Variants in TAB3 observed in about 807,000 individuals in gnomAD.
TAB3 encodes the protein TGF-beta activated kinase 1 (MAP3K7) binding protein 3, also known as TGF-beta-activated kinase 1 and MAP3K7-binding protein 3.
In TAB3, 18 loss-of-function variants were observed where a neutral mutation model predicts 48.1. The ratio of observed to expected loss-of-function variants is 0.37; its 90% CI spans 0.26 to 0.55. The LOEUF is 0.55. TAB3 is among the 20% of genes least tolerant of loss of function. The pLI is 0.78. For synonymous variants in TAB3, 185 were observed against 190.2 expected, an observed-to-expected ratio of 0.97 and a Z score of 0.22; for missense variants, 414 against 549.8, an observed-to-expected ratio of 0.75 and a Z score of 2.47.
chrX:30,846,659 C>T lies in TAB3; in HGVS notation c.1711-15G>A, dbSNP rs1938632927. 1 of 1,076,795 alleles carries T rather than the reference C, an allele frequency of 9.3e-7. No homozygotes were observed. Among genetic ancestry groups the T allele is most frequent in the South Asian group, 2.1e-5 (1 of 47,840 alleles). The allele number at this position is 1,076,795 out of a possible 1,213,427, so 88.7% of individuals were successfully genotyped here. ...ATTTCCTCAGGCTAGTAAGAAAGGA[C>T]CCAAAATAGCAATTGTGGGAAAGTC... On this transcript the variant is annotated splice_polypyrimidine_tract_variant and intron_variant, in intron 7 of 10. Coordinates refer to ENST00000288422, the MANE Select transcript of TAB3 (RefSeq NM_152787.5).
intron 8 of TAB3, chrX:30,844,470 T>TG (rs1938559509): frequency 8.9e-6 from 1 of 112,579 alleles, no homozygotes; most frequent in African/African-American, 3.2e-5. Context: ...AAGCTGCATA[T>TG]GTATTTCTTC....
intron 7 of TAB3, among the ~76,000 whole-genome samples, chrX:30,847,547 TTAGAATC>T (rs1938670635): frequency 9.2e-6 from 1 of 108,691 alleles, no homozygotes; most frequent in South Asian, 3.8e-4. Flanking sequence ...AAGTCAAAGT[TTAGAATC>T]TAGAGGCTGA....
At chrX:30,882,778 A>G (rs1940030712) in intron 1 of TAB3, among the ~76,000 whole-genome samples, 1 of 112,071 alleles carries the variant, frequency 8.9e-6, no homozygotes, top group African/African-American at 3.2e-5. Flanking sequence ...AGATTCTGGT[A>G]AAATCGAGTA....
At chrX:30,832,334 T>C (rs1292652199) in intron 10 of TAB3, among the ~76,000 whole-genome samples, 1 of 111,717 alleles carries the variant, frequency 9.0e-6, no homozygotes, top group Non-Finnish European at 1.9e-5. Flanking sequence ...CCCTCTGGCT[T>C]TGTGCTCAAA....
rs776137921 is a variant in TAB3, at chrX:30,848,157, G to A, written c.1711-1513C>T. On this transcript the variant is annotated intron_variant, in intron 7 of 10. Coordinates refer to ENST00000288422, the MANE Select transcript of TAB3 (RefSeq NM_152787.5). Reference sequence around the variant, plus strand: ...TTCCATAGGTTTTAGGGAGTTGGGGGCAAGAGAGATGTTTCAGCCACAGTG... The same window carrying A: ...TTCCATAGGTTTTAGGGAGTTGGGGACAAGAGAGATGTTTCAGCCACAGTG... Among the ~76,000 whole-genome samples the A allele has an allele frequency of 5.4e-5, 6 of 111,710 alleles. No individual in the cohort carries two copies. In the South Asian group the frequency reaches 2.2e-3, roughly 42 times the overall value.
chrX:30,876,344 C>T (rs1939833707), intron 1 of TAB3, among the ~76,000 whole-genome samples: 1 of 112,070 alleles, frequency 8.9e-6, no homozygotes, highest in South Asian at 3.7e-4. Context: ...GACAATCAGG[C>T]ACACGAGGAA....
At chrX:30,850,627 G>A (rs1301386872) in intron 7 of TAB3, among the ~76,000 whole-genome samples, 2 of 108,175 alleles carry the variant, frequency 1.8e-5, no homozygotes, top group Non-Finnish European at 3.8e-5. Flanking sequence ...CAGGAGACTC[G>A]CTTGAACCTG....
Position 30,830,582 on chromosome X carries a change from C to T in TAB3, c.*845G>A, listed in dbSNP as rs774577458. The T allele has an allele frequency of 5.3e-4, 60 of 112,268 alleles. 1 individual carries two copies. The highest frequency in any genetic ancestry group is 1.8e-3 in the African/African-American group (56 of 30,901). 9.3% of individuals were successfully genotyped at this position (112,268 alleles called of 1,213,427 possible). A position where few individuals can be genotyped will look rare whatever the true frequency, so the allele number is the denominator to read the frequency against. On this transcript the variant is annotated 3_prime_UTR_variant, in exon 11 of 11. Transcript: ENST00000288422. ...GTGCTACTGGCAAAGCGCAGTTTTACGAGAATATCATTTATAAAATCATAC... is the reference window on the plus strand; with the variant it reads ...GTGCTACTGGCAAAGCGCAGTTTTATGAGAATATCATTTATAAAATCATAC...
intron 7 of TAB3, among the ~76,000 whole-genome samples, chrX:30,848,610 C>T (rs1372952975): frequency 9.0e-6 from 1 of 111,392 alleles, no homozygotes; most frequent in African/African-American, 3.3e-5. Flanking sequence ...AGTAAGATTC[C>T]TATGTCCTTT....
At chrX:30,877,901 G>A (rs1939884244) in intron 1 of TAB3, among the ~76,000 whole-genome samples, 1 of 111,658 alleles carries the variant, frequency 9.0e-6, no homozygotes, top group South Asian at 3.7e-4. Flanking sequence ...ATACAGAAAG[G>A]TTAAAAGTAA....
At chrX:30,835,266 C>T (rs1938159984) in intron 9 of TAB3, 1 of 123,612 alleles carries the variant, frequency 8.1e-6, no homozygotes, top group Non-Finnish European at 1.9e-5. Flanking sequence ...TTGGAAATCA[C>T]TGCTCCAGAA....
chrX:30,851,112 T>C (rs921920741), intron 7 of TAB3, among the ~76,000 whole-genome samples: 1 of 112,291 alleles, frequency 8.9e-6, no homozygotes, highest in African/African-American at 3.2e-5. Flanking sequence ...AACATCACCT[T>C]TCCATTAAAG....
intron 1 of TAB3, among the ~76,000 whole-genome samples, chrX:30,885,128 T>C (rs780647401): frequency 1.8e-5 from 2 of 112,448 alleles, no homozygotes; most frequent in Non-Finnish European, 3.8e-5. Flanking sequence ...AATCTAATTC[T>C]GGACAGCTAA....
chrX:30,866,758 A>G (rs1205912083), intron 4 of TAB3, among the ~76,000 whole-genome samples: 1 of 108,933 alleles, frequency 9.2e-6, no homozygotes, highest in African/African-American at 3.3e-5. Context: ...AATCCCAAAC[A>G]ATTTACATAG....
rs1335525079 is a variant in TAB3, at chrX:30,828,763, A to G, written c.*2664T>C. ...AAACAAGAAGTGCACCAGCTGATCCAGCTGGCACCTCAGCAGCCAGGCGTC... is the reference window on the plus strand; with the variant it reads ...AAACAAGAAGTGCACCAGCTGATCCGGCTGGCACCTCAGCAGCCAGGCGTC... On this transcript the variant is annotated 3_prime_UTR_variant, in exon 11 of 11. Coordinates refer to ENST00000288422, the MANE Select transcript of TAB3 (RefSeq NM_152787.5). The G allele has an allele frequency of 1.8e-5, 2 of 112,130 alleles. No homozygotes were observed. The highest frequency in any genetic ancestry group is 6.5e-5 in the African/African-American group (2 of 30,792). 9.2% of individuals were successfully genotyped at this position (112,130 alleles called of 1,213,427 possible).
chrX:30,873,651 TC>T (rs1939736063), intron 1 of TAB3, among the ~76,000 whole-genome samples: 1 of 111,349 alleles, frequency 9.0e-6, no homozygotes, highest in Non-Finnish European at 1.9e-5. Flanking sequence ...CTCCTCAGCC[TC>T]TTCAACATGA....
At chrX:30,841,067 A>G (rs1359526707) in intron 9 of TAB3, among the ~76,000 whole-genome samples, 1 of 112,382 alleles carries the variant, frequency 8.9e-6, no homozygotes, top group African/African-American at 3.3e-5. Context: ...TGATGCTGCC[A>G]AAGTGCCAAA....
At chrX:30,848,345 A>G (rs970685914) in intron 7 of TAB3, among the ~76,000 whole-genome samples, 3 of 112,153 alleles carry the variant, frequency 2.7e-5, no homozygotes, top group Non-Finnish European at 3.8e-5. Flanking sequence ...CCAACATGGC[A>G]AAACCGTCTC....
chrX:30,837,185 A>AT (rs987521197), intron 9 of TAB3, among the ~76,000 whole-genome samples: 1 of 107,557 alleles, frequency 9.3e-6, no homozygotes, highest in African/African-American at 3.4e-5. Flanking sequence ...AGTAGCTAGG[A>AT]TTACAGGTCC....
Sources: gnomAD v4.1 joint callset for allele counts (sites outside exome capture counted in the v4.1 genomes callset) on GRCh38, gnomAD v4.1.1 for gene constraint, MANE v1.5 for transcripts, NCBI Gene and HGNC (gene_info 2026-07-23, HGNC 2026-07-21) for gene names.